Variants in ITGAE observed in about 807,000 individuals in gnomAD.
ITGAE encodes the protein integrin alpha-E.
ITGAE carries 99 observed loss-of-function variants against 136.5 expected under a neutral mutation model. The observed-to-expected ratio is 0.73, with a 90% CI of 0.62 to 0.86. The LOEUF is 0.86. Ranked by LOEUF, ITGAE falls within the 40% of genes least tolerant of loss-of-function variation. The probability of loss-of-function intolerance (pLI) is 0.00; values close to 1 mark genes in which losing one functional copy is unlikely to be tolerated. For synonymous variants in ITGAE, 613 were observed against 591.8 expected (o/e 1.04, Z -0.52); for missense variants, 1,447 against 1,515.3 (o/e 0.95, Z 0.75).
rs765513000 is a variant in ITGAE at position 3,755,094 on chromosome 17, T to C, written c.1384+23A>G. The C allele has an allele frequency of 1.2e-5, 18 of 1,493,028 alleles. No individual in the cohort carries two copies. The Admixed American group carries it at 3.1e-4, about 25-fold the overall frequency. The allele number at this position is 1,493,028 out of a possible 1,614,324, so 92.5% of individuals were successfully genotyped here. On this transcript the variant is annotated intron_variant, in intron 12 of 30. Transcript: ENST00000263087. ...CCGCCCTCATCAGGTGGCCCCGCCC[T>C]CATCAGGTGGCCCCGCCCTCACCCA...
intron 27 of ITGAE, 110 bp from the exon 28 acceptor site, chr17:3,723,493 G>T: frequency 1.0e-6 from 1 of 1,001,448 alleles, no homozygotes; most frequent in Non-Finnish European, 1.6e-6. Flanking sequence ...GAGGGTGTGA[G>T]CAATTTCAGC....
chr17:3,725,000 C>A, intron 26 of ITGAE: 1 of 1,614,198 alleles, frequency 6.2e-7, no homozygotes, highest in Non-Finnish European at 8.5e-7. Context: ...ATTCCCACCG[C>A]TTTAAAAAGG....
intron 26 of ITGAE, among the ~76,000 whole-genome samples, chr17:3,726,936 G>T (rs947893756): frequency 6.6e-6 from 1 of 151,834 alleles, no homozygotes; most frequent in Non-Finnish European, 1.5e-5. Flanking sequence ...CACCATGTTG[G>T]CCAGGCTGGT....
At chr17:3,768,621 A>G (rs1002943890) in intron 2 of ITGAE, among the ~76,000 whole-genome samples, 3 of 151,954 alleles carry the variant, frequency 2.0e-5, no homozygotes, top group South Asian at 2.1e-4. Context: ...ACTCTCCCCA[A>G]GGTTGGCTTA....
At chr17:3,765,243 G>A (rs1011433447) in intron 2 of ITGAE, among the ~76,000 whole-genome samples, 1 of 151,258 alleles carries the variant, frequency 6.6e-6, no homozygotes, top group African/African-American at 2.4e-5. Flanking sequence ...CAGCTACTCG[G>A]GAGCCTGAGG....
intron 12 of ITGAE, chr17:3,754,845 C>T: frequency 2.3e-6 from 1 of 438,360 alleles, no homozygotes; most frequent in South Asian, 2.6e-5. Context: ...CACGTAACTT[C>T]CAGGCCCCGC....
At chr17:3,753,722 C>A in intron 13 of ITGAE, 61 bp downstream of exon 13, 1 of 1,596,870 alleles carries the variant, frequency 6.3e-7, no homozygotes. Context: ...CACTCCTTTC[C>A]CTTGGGGGCC....
chr17:3,763,722 G>T, intron 3 of ITGAE, 147 bp downstream of exon 3: 1 of 689,128 alleles, frequency 1.5e-6, no homozygotes, highest in Non-Finnish European at 2.6e-6. Flanking sequence ...CATTGGGATG[G>T]AATCTTGCTG....
intron 1 of ITGAE, among the ~76,000 whole-genome samples, chr17:3,795,193 G>A (rs993741808): frequency 6.6e-6 from 1 of 152,164 alleles, no homozygotes; most frequent in Non-Finnish European, 1.5e-5. Flanking sequence ...TGGTCTGTCT[G>A]GCTGTGACCA....
At chr17:3,762,371 G>A (rs981869545) in intron 3 of ITGAE, among the ~76,000 whole-genome samples, 25 of 152,230 alleles carry the variant, frequency 1.6e-4, no homozygotes, top group Admixed American at 1.4e-3. Flanking sequence ...GCAAGATACC[G>A]TGGGACTGGC....
intron 14 of ITGAE, among the ~76,000 whole-genome samples, chr17:3,752,657 G>A (rs1452396273): frequency 6.6e-6 from 1 of 152,012 alleles, no homozygotes; most frequent in African/African-American, 2.4e-5. Context: ...TTGGGAGGCT[G>A]AGGCAGGAGA....
At chr17:3,788,271 G>A (rs2052847086) in intron 1 of ITGAE, among the ~76,000 whole-genome samples, 1 of 150,778 alleles carries the variant, frequency 6.6e-6, no homozygotes, top group Non-Finnish European at 1.5e-5. Context: ...AGCCCCCAAG[G>A]TTGTACACAG....
intron 3 of ITGAE, among the ~76,000 whole-genome samples, chr17:3,762,589 A>ATTTTTT (rs1201695419): frequency 2.7e-5 from 3 of 111,782 alleles, no homozygotes; most frequent in Non-Finnish European, 3.7e-5. Flanking sequence ...TCAGACAAGG[A>ATTTTTT]TTTTTTTTTT....
At chr17:3,771,043 A>G (rs1007985744) in intron 2 of ITGAE, among the ~76,000 whole-genome samples, 7 of 152,026 alleles carry the variant, frequency 4.6e-5, no homozygotes, top group Non-Finnish European at 1.0e-4. Flanking sequence ...ACTCCTGAGC[A>G]CATATGCCCT....
intron 1 of ITGAE, among the ~76,000 whole-genome samples, chr17:3,781,027 G>A (rs528979513): frequency 1.2e-4 from 19 of 152,180 alleles, no homozygotes; most frequent in Non-Finnish European, 1.8e-4. Flanking sequence ...TAAATTATGA[G>A]TGAGGTCAAG....
intron 1 of ITGAE, among the ~76,000 whole-genome samples, chr17:3,787,117 T>TTC (rs1306909669): frequency 6.7e-6 from 1 of 150,334 alleles, no homozygotes; most frequent in Non-Finnish European, 1.5e-5. Flanking sequence ...AATTTTTTTT[T>TTC]CCTTTTTTTT....
chr17:3,787,934 C>A (rs2052838867), intron 1 of ITGAE, among the ~76,000 whole-genome samples: 1 of 152,132 alleles, frequency 6.6e-6, no homozygotes, highest in Admixed American at 6.5e-5. Flanking sequence ...GGTGATCCAC[C>A]CGTCTTGGCC....
chr17:3,786,751 G>A (rs918052860), intron 1 of ITGAE, among the ~76,000 whole-genome samples: 4 of 151,914 alleles, frequency 2.6e-5, no homozygotes, highest in Non-Finnish European at 4.4e-5. Flanking sequence ...TTAGCTGGGC[G>A]TGGTGGCGCA....
chr17:3,760,510 G>T (rs1307296145), intron 6 of ITGAE, among the ~76,000 whole-genome samples: 1 of 130,350 alleles, frequency 7.7e-6, no homozygotes, highest in Non-Finnish European at 1.5e-5. Flanking sequence ...TGGGATCTCA[G>T]CTTACTGCAG....
Sources: allele counts gnomAD v4.1 joint callset (sites outside exome capture counted in the v4.1 genomes callset), GRCh38; gene constraint gnomAD v4.1.1; transcripts MANE v1.5; gene names NCBI Gene and HGNC (gene_info 2026-07-23, HGNC 2026-07-21).